YAF2: variants seen among roughly 807,000 people sequenced by gnomAD.
YAF2 encodes YY1-associated factor 2.
In YAF2, 7 loss-of-function variants were observed where a neutral mutation model predicts 20.1. That is an observed-to-expected ratio of 0.35 (90% CI 0.20 to 0.65). YAF2 has a LOEUF of 0.65. YAF2 is among the 30% of genes least tolerant of loss of function. The probability of loss-of-function intolerance (pLI) is 0.69; values close to 1 mark genes in which losing one functional copy is unlikely to be tolerated. For missense variants in YAF2, 151 were observed against 219.2 expected, an observed-to-expected ratio of 0.69 and a Z score of 1.96; for synonymous variants, 74 against 76.0, an observed-to-expected ratio of 0.97 and a Z score of 0.14.
At position 42,218,529 on chromosome 12, in the gene YAF2, A is replaced by T. The variant is rs1355857419; in HGVS notation, c.152+19070T>A. The stretch of plus-strand genomic sequence containing the variant: ...CCTTTTTAAAATGTATGTGTCTTTT[A>T]AAAAATGTATTATTTTTTCCAGAAT... On this transcript the variant is annotated intron_variant, in intron 2 of 3. Transcript: ENST00000534854. 2.6e-5 allele frequency among the ~76,000 whole-genome samples: 4 copies of T among 152,192 alleles called. No homozygotes were observed. In the South Asian group the frequency reaches 6.2e-4, roughly 24 times the overall value.
intron 2 of YAF2, among the ~76,000 whole-genome samples, chr12:42,218,467 A>G (rs904497497): frequency 3.3e-5 from 5 of 152,128 alleles, no homozygotes; most frequent in Non-Finnish European, 7.4e-5. Flanking sequence ...AAAGTGGCCT[A>G]TGAATTGTTG....
In YAF2 at chr12:42,159,317, A is replaced by G. The variant is rs2065755798; in HGVS notation, c.*1272T>C. 6.6e-6 allele frequency: 1 copy of G among 152,158 alleles called. No homozygotes were observed. Among genetic ancestry groups the G allele is most frequent in the East Asian group, 1.9e-4 (1 of 5,206 alleles). The allele number at this position is 152,158 out of a possible 1,614,324, so 9.4% of individuals were successfully genotyped here. Reference sequence around the variant, plus strand: ...AGAAGTCTCCTTTAGGTAGATATATATTAAGCAAATGGTTAAGAGAAAGCA... The same window carrying G: ...AGAAGTCTCCTTTAGGTAGATATATGTTAAGCAAATGGTTAAGAGAAAGCA... On this transcript the variant is annotated 3_prime_UTR_variant, in exon 4 of 4. Coordinates refer to ENST00000534854, the MANE Select transcript of YAF2 (RefSeq NM_005748.6).
intron 2 of YAF2, among the ~76,000 whole-genome samples, chr12:42,185,820 G>A (rs776857052): frequency 6.6e-6 from 1 of 152,158 alleles, no homozygotes. Flanking sequence ...CAAAAACTTC[G>A]TATGACTTGC....
intron 2 of YAF2, among the ~76,000 whole-genome samples, chr12:42,225,063 G>A (rs1038220229): frequency 2.6e-5 from 4 of 152,044 alleles, no homozygotes; most frequent in Non-Finnish European, 5.9e-5. Context: ...TTTAATGATC[G>A]CCATTCTAAA....
At chr12:42,230,415 T>C (rs2067951204) in intron 2 of YAF2, among the ~76,000 whole-genome samples, 2 of 152,298 alleles carry the variant, frequency 1.3e-5, no homozygotes, top group South Asian at 2.1e-4. Flanking sequence ...AGATTATTAT[T>C]ATGGCCTTGA....
chr12:42,161,100 G>T (rs1435675838), intron 3 of YAF2: 1 of 388,346 alleles, frequency 2.6e-6, no homozygotes, highest in Non-Finnish European at 4.6e-6. Flanking sequence ...TTTGCAGACA[G>T]CTTATTAATT....
intron 2 of YAF2, among the ~76,000 whole-genome samples, chr12:42,195,013 A>G (rs1175117365): frequency 2.6e-5 from 4 of 152,222 alleles, no homozygotes. Context: ...TATTAGTTAA[A>G]ATATTATACC....
chr12:42,185,964 T>G (rs2066462045), intron 2 of YAF2, among the ~76,000 whole-genome samples: 10 of 150,712 alleles, frequency 6.6e-5, no homozygotes, highest in Admixed American at 6.0e-4. Context: ...CTCTGGGGAG[T>G]CCGAAGCAGG....
chr12:42,213,198 A>G (rs533823173), intron 2 of YAF2, among the ~76,000 whole-genome samples: 1 of 152,360 alleles, frequency 6.6e-6, no homozygotes, highest in South Asian at 2.1e-4. Context: ...AGAAGCCCAC[A>G]TAGCAATAAA....
chr12:42,223,797 TTC>T (rs1313039538), intron 2 of YAF2, among the ~76,000 whole-genome samples: 4 of 151,436 alleles, frequency 2.6e-5, no homozygotes, highest in African/African-American at 9.7e-5. Flanking sequence ...ACACCGCATG[TTC>T]TCACTCATAA....
At position 42,159,879 on chromosome 12, in the gene YAF2, T is replaced by C. The variant is rs1440403227; in HGVS notation, c.*710A>G. Reference sequence around the variant, plus strand: ...TGACAATAGCACTAAACCTGAATTATAAAGCTAAATAATCAATGTTTTATT... The same window carrying C: ...TGACAATAGCACTAAACCTGAATTACAAAGCTAAATAATCAATGTTTTATT... On this transcript the variant is annotated 3_prime_UTR_variant, in exon 4 of 4. Coordinates refer to ENST00000534854, the MANE Select transcript of YAF2 (RefSeq NM_005748.6). The C allele has an allele frequency of 6.6e-6, 1 of 152,506 alleles. No homozygotes were observed. The highest frequency in any genetic ancestry group is 1.5e-5 in the Non-Finnish European group (1 of 67,972). 9.4% of individuals were successfully genotyped at this position (152,506 alleles called of 1,614,324 possible). A position where few individuals can be genotyped will look rare whatever the true frequency, so the allele number is the denominator to read the frequency against.
intron 2 of YAF2, among the ~76,000 whole-genome samples, chr12:42,219,453 A>AT (rs1229133694): frequency 1.3e-5 from 2 of 152,244 alleles, no homozygotes; most frequent in Admixed American, 1.3e-4. Flanking sequence ...GATAGGAGGT[A>AT]TAACAGAGAA....
chr12:42,201,691 G>C (rs945223028), intron 2 of YAF2, among the ~76,000 whole-genome samples: 6 of 152,054 alleles, frequency 3.9e-5, no homozygotes, highest in Admixed American at 3.9e-4. Flanking sequence ...AGTACCTCAG[G>C]TTTCTGAGTA....
chr12:42,210,452 G>C, intron 2 of YAF2: 1 of 1,535,028 alleles, frequency 6.5e-7, no homozygotes, highest in Non-Finnish European at 8.7e-7. Flanking sequence ...GCATCCACTG[G>C]AACTGAGGGG....
chr12:42,161,553 T>C (rs904302689), intron 3 of YAF2, 60 bp downstream of exon 3: 8 of 1,494,156 alleles, frequency 5.4e-6, no homozygotes, highest in Non-Finnish European at 6.2e-6. Context: ...TATGTCAAGG[T>C]TAAAAAAATT....
intron 2 of YAF2, among the ~76,000 whole-genome samples, chr12:42,211,902 A>C (rs996642477): frequency 2.0e-5 from 3 of 152,014 alleles, no homozygotes; most frequent in Non-Finnish European, 4.4e-5. Context: ...TACAAAAATT[A>C]GCCGGGTGTA....
chr12:42,179,110 A>C (rs2066273371), intron 2 of YAF2, among the ~76,000 whole-genome samples: 1 of 152,172 alleles, frequency 6.6e-6, no homozygotes, highest in South Asian at 2.1e-4. Context: ...AACTTGATTT[A>C]CTTAGACTGG....
rs184863696 is a variant in YAF2, at chr12:42,166,042, C to A, written c.153-4277G>T. Among the ~76,000 whole-genome samples, 321 of 152,166 alleles carry A rather than the reference C, an allele frequency of 2.1e-3. 1 individual carries two copies. The highest frequency in any genetic ancestry group is 2.0e-3 in the Non-Finnish European group (135 of 68,010). Reference sequence around the variant, plus strand: ...CAAGCGATTCTCCTACCTCAGCCTCCCGAGTAGCTGGGATTACAAGCGTGT... The same window carrying A: ...CAAGCGATTCTCCTACCTCAGCCTCACGAGTAGCTGGGATTACAAGCGTGT... On this transcript the variant is annotated intron_variant, in intron 2 of 3. Coordinates refer to ENST00000534854, the MANE Select transcript of YAF2 (RefSeq NM_005748.6).
At chr12:42,173,906 T>C (rs2066115016) in intron 2 of YAF2, among the ~76,000 whole-genome samples, 2 of 152,094 alleles carry the variant, frequency 1.3e-5, no homozygotes, top group Non-Finnish European at 2.9e-5. Flanking sequence ...CAGCCTTCCA[T>C]CTGTACCGAC....
Sources: allele counts gnomAD v4.1 joint callset (sites outside exome capture counted in the v4.1 genomes callset), GRCh38; gene constraint gnomAD v4.1.1; transcripts MANE v1.5; gene names NCBI Gene and HGNC (gene_info 2026-07-23, HGNC 2026-07-21).